Variants in CLDN16 observed in about 807,000 individuals in gnomAD.
The protein encoded by CLDN16 is claudin-16.
A neutral mutation model predicts 24.6 loss-of-function variants in CLDN16; 13 were observed. The ratio of observed to expected loss-of-function variants is 0.53; its 90% CI spans 0.34 to 0.84. The LOEUF is 0.84. CLDN16 is among the 40% of genes least tolerant of loss of function. CLDN16 has a pLI of 0.01. For synonymous variants in CLDN16, 116 were observed against 106.7 expected (o/e 1.09, Z -0.54); for missense variants, 298 against 292.7 (o/e 1.02, Z -0.13).
chr3:190,310,094 A>C, the CLDN16 span: 1 of 1,186,864 alleles, frequency 8.4e-7, no homozygotes, highest in Non-Finnish European at 1.3e-6. Flanking sequence ...AAATGATGGC[A>C]CTAGCAGGAC....
chr3:190,308,758 A>G, the CLDN16 span, among the ~76,000 whole-genome samples: 2 of 152,192 alleles, frequency 1.3e-5, no homozygotes, highest in Non-Finnish European at 2.9e-5. Flanking sequence ...GGTTTGGATC[A>G]TGGTTCCTAG....
rs148819735 is a variant in CLDN16 at position 190,388,862 on chromosome 3, G to A, written c.114+419G>A. On this transcript the variant is annotated intron_variant, in intron 1 of 4. Transcript: ENST00000264734. ...GAATAGTGTGATAGACTTTTTTTAA[G>A]GAGTGTTAATAATCTAAAACGTTGA... 4.8e-3 allele frequency among the ~76,000 whole-genome samples: 724 copies of A among 152,130 alleles called. 8 individuals carry two copies. Among genetic ancestry groups the A allele is most frequent in the African/African-American group, 0.016 (679 of 41,498 alleles).
intron 1 of CLDN16, among the ~76,000 whole-genome samples, chr3:190,346,447 T>C (rs1044528640): frequency 2.0e-5 from 3 of 152,206 alleles, no homozygotes; most frequent in Non-Finnish European, 2.9e-5. Flanking sequence ...ACAGTTTTGA[T>C]CTAGATTCAT....
chr3:190,311,723 TA>T, the CLDN16 span, among the ~76,000 whole-genome samples: 3 of 151,308 alleles, frequency 2.0e-5, no homozygotes, highest in African/African-American at 7.3e-5. Context: ...ATTATCAACA[TA>T]TATAACACAG....
chr3:190,399,509 C>A (rs554101302), intron 1 of CLDN16, among the ~76,000 whole-genome samples: 3 of 64,468 alleles, frequency 4.7e-5, no homozygotes, highest in South Asian at 8.6e-4. Context: ...GACTCTGCCT[C>A]AAAAAAAATT....
At chr3:190,393,594 G>T (rs1228298899) in intron 1 of CLDN16, among the ~76,000 whole-genome samples, 1 of 152,030 alleles carries the variant, frequency 6.6e-6, no homozygotes, top group Non-Finnish European at 1.5e-5. Context: ...TTGTCTATTT[G>T]CAGTTTATTG....
At chr3:190,356,964 C>T (rs560928478) in intron 1 of CLDN16, among the ~76,000 whole-genome samples, 2 of 151,864 alleles carry the variant, frequency 1.3e-5, no homozygotes, top group South Asian at 4.1e-4. Flanking sequence ...GTAGATTATA[C>T]ACAGCCTTGC....
At chr3:190,299,321 A>G in the CLDN16 span, among the ~76,000 whole-genome samples, 4 of 151,974 alleles carry the variant, frequency 2.6e-5, no homozygotes, top group Non-Finnish European at 5.9e-5. Flanking sequence ...TTGGTTTTTA[A>G]AAGTGTTCTC....
At chr3:190,321,517 G>T (rs1352992906), upstream of CLDN16, among the ~76,000 whole-genome samples, 1 of 152,158 alleles carries the variant, frequency 6.6e-6, no homozygotes, top group Non-Finnish European at 1.5e-5. Context: ...CATATTAAAG[G>T]TTAAAAAGTT....
the CLDN16 span, among the ~76,000 whole-genome samples, chr3:190,299,575 C>A: frequency 6.6e-6 from 1 of 151,486 alleles, no homozygotes; most frequent in Non-Finnish European, 1.5e-5. Flanking sequence ...AAGTCTTTAA[C>A]CTATGTAAAA....
chr3:190,314,476 C>T, the CLDN16 span, among the ~76,000 whole-genome samples: 1 of 152,062 alleles, frequency 6.6e-6, no homozygotes. Context: ...CTCACTGCAA[C>T]CTCTGCCTCT....
the CLDN16 span, among the ~76,000 whole-genome samples, chr3:190,311,795 A>G: frequency 1.3e-5 from 2 of 151,652 alleles, no homozygotes; most frequent in Non-Finnish European, 2.9e-5. Context: ...GTACATATAC[A>G]CACGTAAGTA....
At chr3:190,296,347 T>A in the CLDN16 span, among the ~76,000 whole-genome samples, 1 of 151,986 alleles carries the variant, frequency 6.6e-6, no homozygotes, top group Non-Finnish European at 1.5e-5. Context: ...GGTGGCTACT[T>A]TATAAAGGGT....
chr3:190,360,131 C>T (rs1001606773), intron 1 of CLDN16, among the ~76,000 whole-genome samples: 1 of 151,938 alleles, frequency 6.6e-6, no homozygotes, highest in South Asian at 2.1e-4. Flanking sequence ...AACAAAGAAA[C>T]TTTGCAAACC....
chr3:190,317,568 A>G (rs984605284), upstream of CLDN16, among the ~76,000 whole-genome samples: 4 of 152,252 alleles, frequency 2.6e-5, no homozygotes, highest in Admixed American at 6.5e-5. Flanking sequence ...AAGTAGTAGA[A>G]TCTACTATCA....
At chr3:190,366,370 C>G (rs1344352108) in intron 1 of CLDN16, among the ~76,000 whole-genome samples, 1 of 151,924 alleles carries the variant, frequency 6.6e-6, no homozygotes, top group East Asian at 1.9e-4. Flanking sequence ...AGTAATCCAT[C>G]TACTCCACTG....
the CLDN16 span, chr3:190,308,322 C>G: frequency 6.2e-7 from 1 of 1,613,698 alleles, no homozygotes; most frequent in Non-Finnish European, 8.5e-7. Context: ...TTGGATAGGG[C>G]CTTGGTGTTG....
At chr3:190,365,896 C>T (rs182790579) in intron 1 of CLDN16, among the ~76,000 whole-genome samples, 6 of 151,838 alleles carry the variant, frequency 4.0e-5, no homozygotes, top group African/African-American at 1.2e-4. Flanking sequence ...ATTCAAAGTT[C>T]GAGTGGGTAT....
the CLDN16 span, among the ~76,000 whole-genome samples, chr3:190,305,319 T>G: frequency 1.3e-5 from 2 of 152,232 alleles, no homozygotes; most frequent in Non-Finnish European, 2.9e-5. Flanking sequence ...ATCATCATCA[T>G]TACAGAAACA....
Sources: allele counts gnomAD v4.1 joint callset (sites outside exome capture counted in the v4.1 genomes callset), GRCh38; gene constraint gnomAD v4.1.1; transcripts MANE v1.5; gene names NCBI Gene and HGNC (gene_info 2026-07-23, HGNC 2026-07-21).